The following ASAP2 variants were observed in gnomAD, a reference collection of about 807,000 sequenced individuals.
ASAP2 encodes ArfGAP with SH3 domain, ankyrin repeat and PH domain 2.
Under a neutral mutation model 131.4 loss-of-function variants are expected in ASAP2, and 45 were observed. The observed-to-expected ratio is 0.34, with a 90% confidence interval of 0.27 to 0.44. The LOEUF (loss-of-function observed/expected upper bound fraction) is 0.44, where lower values mean the gene tolerates loss of function less well. Ranked by LOEUF, ASAP2 falls within the 20% of genes least tolerant of loss-of-function variation. The pLI is 1.00. For synonymous variants in ASAP2, 510 were observed against 503.0 expected, an observed-to-expected ratio of 1.01 and a Z score of -0.19; for missense variants, 1,011 against 1,297.0, an observed-to-expected ratio of 0.78 and a Z score of 3.39.
intron 1 of ASAP2, among the ~76,000 whole-genome samples, chr2:9,213,083 T>G (rs774719140): frequency 1.3e-5 from 2 of 152,214 alleles, no homozygotes; most frequent in Non-Finnish European, 2.9e-5. Flanking sequence ...GTAACAACCT[T>G]AGGCAGTTGA....
Position 9,249,605 on chromosome 2 carries a change from C to CT in ASAP2, c.127-29711dup, listed in dbSNP as rs1468663535. Among the ~76,000 whole-genome samples, 17 of 152,252 alleles carry CT rather than the reference C, an allele frequency of 1.1e-4. 1 individual carries two copies. The highest frequency in any genetic ancestry group is 2.9e-5 in the Non-Finnish European group (2 of 68,048). ...ATGCCAGGCTGACCCATCACATAGA[C>CT]TGCATAGCCATGACTTAGCAGGGTG... is the stretch of plus-strand genomic sequence containing the variant. On this transcript the variant is annotated intron_variant, in intron 1 of 27. Coordinates refer to ENST00000281419, the MANE Select transcript of ASAP2 (RefSeq NM_003887.3).
chr2:9,339,637 C>G (rs1470912478), intron 9 of ASAP2, among the ~76,000 whole-genome samples: 3 of 152,142 alleles, frequency 2.0e-5, no homozygotes, highest in African/African-American at 2.4e-5. Context: ...CTTAGAGGTT[C>G]AACAGGAATG....
rs1422467541 is a variant in ASAP2 at position 9,256,728 on chromosome 2, T to C, written c.127-22589T>C. ...AATGAAAACAGCCTCAGTGTTCTCATTGATTCCATTTTGGGGATGTGATGG... is the reference window on the plus strand; with the variant it reads ...AATGAAAACAGCCTCAGTGTTCTCACTGATTCCATTTTGGGGATGTGATGG... On this transcript the variant is annotated intron_variant, in intron 1 of 27. Transcript: ENST00000281419. Among the ~76,000 whole-genome samples the C allele has an allele frequency of 4.6e-5, 7 of 152,232 alleles. No individual in the cohort carries two copies. The East Asian group carries it at 1.3e-3, about 29-fold the overall frequency.
Position 9,302,037 on chromosome 2 carries a change from A to C in ASAP2, c.345+4592A>C, listed in dbSNP as rs138722190. 5.1e-3 allele frequency among the ~76,000 whole-genome samples: 750 copies of C among 147,166 alleles called. 3 individuals are homozygous for C. Among genetic ancestry groups the C allele is most frequent in the Admixed American group, 7.9e-3 (117 of 14,838 alleles). On this transcript the variant is annotated intron_variant, in intron 3 of 27. Coordinates refer to ENST00000281419, the MANE Select transcript of ASAP2 (RefSeq NM_003887.3). ...ATGGGGTTTCACCACGTTAGCCAGGATGGTCTCGATCTCCTGACCTCGTGA... is the reference window on the plus strand; with the variant it reads ...ATGGGGTTTCACCACGTTAGCCAGGCTGGTCTCGATCTCCTGACCTCGTGA...
chr2:9,387,242 G>C (rs944187610), intron 21 of ASAP2, among the ~76,000 whole-genome samples: 9 of 144,032 alleles, frequency 6.2e-5, no homozygotes, highest in South Asian at 2.1e-4. Context: ...ATAACCTTCA[G>C]GGGGGAGCAG....
At chr2:9,313,429 G>A (rs190761238) in intron 3 of ASAP2, among the ~76,000 whole-genome samples, 13 of 152,098 alleles carry the variant, frequency 8.5e-5, no homozygotes, top group African/African-American at 3.1e-4. Context: ...TCATGTTCAT[G>A]TGTGTACTCC....
chr2:9,274,894 A>G (rs911957057), intron 1 of ASAP2, among the ~76,000 whole-genome samples: 3 of 152,180 alleles, frequency 2.0e-5, no homozygotes, highest in Admixed American at 2.0e-4. Context: ...AGAAGATTCC[A>G]TATGGTGACC....
chr2:9,388,572 G>A, intron 22 of ASAP2, 26 bp downstream of exon 22: 4 of 1,603,224 alleles, frequency 2.5e-6, no homozygotes, highest in Non-Finnish European at 3.4e-6. Context: ...TCATCCCTGT[G>A]AATATATAGA....
intron 2 of ASAP2, among the ~76,000 whole-genome samples, chr2:9,291,671 T>C (rs1165063125): frequency 6.6e-6 from 1 of 152,080 alleles, no homozygotes. Flanking sequence ...GCATGGAAGG[T>C]TGGAATGTGG....
chr2:9,312,984 G>A (rs1669406797), intron 3 of ASAP2, among the ~76,000 whole-genome samples: 1 of 152,214 alleles, frequency 6.6e-6, no homozygotes, highest in Admixed American at 6.5e-5. Context: ...ACTTGAACCT[G>A]GGAGGTGGAG....
chr2:9,245,341 G>A (rs1464281144), intron 1 of ASAP2, among the ~76,000 whole-genome samples: 1 of 152,162 alleles, frequency 6.6e-6, no homozygotes, highest in Non-Finnish European at 1.5e-5. Context: ...CACCTGGGGT[G>A]GGTGGGGGCT....
rs1478882767 is a variant in ASAP2 at position 9,374,800 on chromosome 2, A to C, written c.1602A>C (p.Arg534Ser). 1.9e-6 allele frequency: 3 copies of C among 1,612,558 alleles called. No individual in the cohort carries two copies. The highest frequency in any genetic ancestry group is 2.5e-6 in the Non-Finnish European group (3 of 1,179,664). Residue 534 changes from arginine (R) to serine (S), a missense_variant, in exon 17 of 28, where the codon AGA becomes AGC. Transcript: ENST00000281419. ...DYITAKYIER[R>S]YARKKHADNA... ...TCACAGCCAAGTACATCGAGAGGAG[A>C]TACGCAAGGAAGAAGCACGCGGATA...
intron 11 of ASAP2, among the ~76,000 whole-genome samples, 192 bp downstream of exon 11, chr2:9,344,992 T>G (rs939995916): frequency 1.1e-3 from 4 of 3,800 alleles, no homozygotes; most frequent in Non-Finnish European, 0.022. Flanking sequence ...CTGTTTATGT[T>G]TTTTTTTTTT....
At chr2:9,400,249 T>TCCCCTCC in intron 25 of ASAP2, among the ~76,000 whole-genome samples, 177 bp downstream of exon 25, 1 of 21,856 alleles carries the variant, frequency 4.6e-5, no homozygotes, top group Non-Finnish European at 7.8e-5. Context: ...TCCTGCCCCC[T>TCCCCTCC]TCCCCTCCTG....
chr2:9,217,566 C>T lies in ASAP2; in HGVS notation c.126+10336C>T, dbSNP rs898617594. On this transcript the variant is annotated intron_variant, in intron 1 of 27. Coordinates refer to ENST00000281419, the MANE Select transcript of ASAP2 (RefSeq NM_003887.3). This position sits in a 1 kb window ranked among gnomAD's most constrained non-coding sequence, Gnocchi z 4.0. Reference sequence around the variant, plus strand: ...CAGTCAGGATTGTCGGGACCTCTTTCCCCAGCTTCTCAGAAGAAATCATGT... The same window carrying T: ...CAGTCAGGATTGTCGGGACCTCTTTTCCCAGCTTCTCAGAAGAAATCATGT... Among the ~76,000 whole-genome samples, 17 of 152,108 alleles carry T rather than the reference C, an allele frequency of 1.1e-4. No homozygotes were observed. Among genetic ancestry groups the T allele is most frequent in the Admixed American group, 6.5e-4 (10 of 15,278 alleles).
At chr2:9,330,045 A>G (rs1013930002) in intron 7 of ASAP2, among the ~76,000 whole-genome samples, 1 of 152,152 alleles carries the variant, frequency 6.6e-6, no homozygotes, top group African/African-American at 2.4e-5. Flanking sequence ...TTATATCTAC[A>G]GTGTGTGGCA....
chr2:9,402,759 C>A (rs980983253), intron 27 of ASAP2, among the ~76,000 whole-genome samples: 5 of 152,162 alleles, frequency 3.3e-5, no homozygotes, highest in African/African-American at 1.2e-4. Flanking sequence ...CTCTTGAGAT[C>A]ATATTTGGAT....
Position 9,388,309 on chromosome 2 carries a change from C to A in ASAP2, c.2146C>A (p.Arg716=), listed in dbSNP as rs780964858. ...TCTCCTGCAGCCCAGTCCCAACCGGCGGGAAGACCGGCCCATCAGCTTCTA... is the reference window on the plus strand; with the variant it reads ...TCTCCTGCAGCCCAGTCCCAACCGGAGGGAAGACCGGCCCATCAGCTTCTA... The part of the protein sequence containing the change: ...DEKLQPSPNR[R]EDRPISFYQL... The change falls in exon 22 of 28, where the codon CGG becomes AGG. Residue 716 remains arginine, a synonymous_variant. Transcript: ENST00000281419. 1 of 1,614,032 alleles carries A rather than the reference C, an allele frequency of 6.2e-7. No homozygotes were observed. Among genetic ancestry groups the A allele is most frequent in the African/African-American group, 1.3e-5 (1 of 75,044 alleles).
chr2:9,255,224 C>G (rs1252593776), intron 1 of ASAP2, among the ~76,000 whole-genome samples: 1 of 152,118 alleles, frequency 6.6e-6, no homozygotes, highest in African/African-American at 2.4e-5. Flanking sequence ...ATACTTGTAC[C>G]ATGTAAGTTG....
Sources: gnomAD v4.1 joint callset for allele counts (sites outside exome capture counted in the v4.1 genomes callset) on GRCh38, gnomAD v4.1.1 for gene constraint, Gnocchi (gnomAD v3.1) non-coding constraint, MANE v1.5 for transcripts, NCBI Gene and HGNC (gene_info 2026-07-23, HGNC 2026-07-21) for gene names.